Variants in CCSER1 observed in about 807,000 individuals in gnomAD.
The protein encoded by CCSER1 is coiled-coil serine rich protein 1.
CCSER1 carries 41 observed loss-of-function variants against 82.0 expected under a neutral mutation model. The ratio of observed to expected loss-of-function variants is 0.50; its 90% CI spans 0.39 to 0.65. CCSER1 has a LOEUF of 0.65. Among genes scored for constraint, CCSER1 ranks in the 30% least tolerant of loss-of-function variants. CCSER1 has a pLI of 0.00. For synonymous variants in CCSER1, 414 were observed against 383.9 expected (o/e 1.08, Z -0.92); for missense variants, 1,119 against 1,064.2 (o/e 1.05, Z -0.72).
chr4:90,333,417 AAAAC>A (rs1739720503), intron 3 of CCSER1, among the ~76,000 whole-genome samples: 1 of 152,206 alleles, frequency 6.6e-6, no homozygotes, highest in Non-Finnish European at 1.5e-5. Flanking sequence ...AAACAAACAC[AAAAC>A]AAACAAAACG....
chr4:90,827,837 C>T (rs1485749113), intron 8 of CCSER1, among the ~76,000 whole-genome samples: 1 of 152,100 alleles, frequency 6.6e-6, no homozygotes, highest in Non-Finnish European at 1.5e-5. Flanking sequence ...TTATCATGTG[C>T]ACCAGAACAT....
chr4:91,007,079 G>T (rs917961182), intron 9 of CCSER1, among the ~76,000 whole-genome samples: 7 of 152,166 alleles, frequency 4.6e-5, no homozygotes, highest in Admixed American at 4.6e-4. Context: ...AGTCACACTT[G>T]ATTTGCATAT....
At chr4:91,331,108 A>T (rs979188200) in intron 10 of CCSER1, among the ~76,000 whole-genome samples, 13 of 152,004 alleles carry the variant, frequency 8.6e-5, no homozygotes, top group Non-Finnish European at 1.6e-4. Flanking sequence ...GATAAGGGGG[A>T]ACTACTGTAC....
intron 10 of CCSER1, among the ~76,000 whole-genome samples, chr4:91,272,030 G>C (rs1302729634): frequency 6.6e-6 from 1 of 152,178 alleles, no homozygotes; most frequent in Non-Finnish European, 1.5e-5. Flanking sequence ...CAGTTGGGTT[G>C]GTTCCACATT....
chr4:90,479,360 A>T (rs551397505), intron 5 of CCSER1, among the ~76,000 whole-genome samples: 26 of 152,178 alleles, frequency 1.7e-4, no homozygotes, highest in Admixed American at 3.3e-4. Context: ...TAGTGTCATT[A>T]TTCATTTTAC....
In CCSER1 at chr4:91,602,800, C is replaced by T. The variant is rs1314662323; in HGVS notation, c.*3743C>T. 6.6e-6 allele frequency among the ~76,000 whole-genome samples: 1 copy of T among 151,902 alleles called. No homozygotes were observed. On this transcript the variant is annotated 3_prime_UTR_variant, in exon 11 of 11. Transcript: ENST00000509176. Reference sequence around the variant, plus strand: ...CATTCATGTTACTGAATCACATGCCCCATAATCAGAAGCTTTTCCCTTATT... The same window carrying T: ...CATTCATGTTACTGAATCACATGCCTCATAATCAGAAGCTTTTCCCTTATT...
At chr4:90,772,496 T>A (rs888443994) in intron 7 of CCSER1, among the ~76,000 whole-genome samples, 18 of 152,120 alleles carry the variant, frequency 1.2e-4, no homozygotes, top group Non-Finnish European at 2.1e-4. Flanking sequence ...TGGAACAAAA[T>A]GCAAATATTT....
chr4:90,625,911 A>G lies in CCSER1; in HGVS notation c.1725-2114A>G, dbSNP rs189927422. 5.3e-5 allele frequency among the ~76,000 whole-genome samples: 8 copies of G among 152,316 alleles called. No homozygotes were observed. The East Asian group carries it at 1.5e-3, about 29-fold the overall frequency. Reference sequence around the variant, plus strand: ...GTGAATGTTAAATTATAATCTCCAGAGCCTCAGTAAATTCCCTGAAATACA... The same window carrying G: ...GTGAATGTTAAATTATAATCTCCAGGGCCTCAGTAAATTCCCTGAAATACA... On this transcript the variant is annotated intron_variant, in intron 5 of 10. Transcript: ENST00000509176.
At chr4:91,183,103 G>A (rs1734200653) in intron 10 of CCSER1, among the ~76,000 whole-genome samples, 1 of 152,226 alleles carries the variant, frequency 6.6e-6, no homozygotes, top group South Asian at 2.1e-4. Context: ...TGTGAGTGAT[G>A]TAAAATGGGT....
intron 8 of CCSER1, among the ~76,000 whole-genome samples, chr4:90,840,594 A>G (rs1762454675): frequency 6.6e-6 from 1 of 152,252 alleles, no homozygotes; most frequent in African/African-American, 2.4e-5. Context: ...GTATTAAAAA[A>G]TAATTGAAAA....
chr4:91,545,680 T>C (rs1271734326), intron 10 of CCSER1, among the ~76,000 whole-genome samples: 1 of 152,120 alleles, frequency 6.6e-6, no homozygotes, highest in Non-Finnish European at 1.5e-5. Flanking sequence ...CAGAAGGGCT[T>C]CTTTTGTTTA....
chr4:90,145,026 T>C (rs1420619965), intron 1 of CCSER1, among the ~76,000 whole-genome samples: 1 of 152,164 alleles, frequency 6.6e-6, no homozygotes, highest in Non-Finnish European at 1.5e-5. Flanking sequence ...ACCTATAGTT[T>C]AATTTTGATT....
At chr4:90,365,504 C>A (rs1053183062) in intron 3 of CCSER1, among the ~76,000 whole-genome samples, 1 of 151,832 alleles carries the variant, frequency 6.6e-6, no homozygotes. Context: ...AATTTTTAAA[C>A]AATTGTATGT....
Position 90,483,732 on chromosome 4 carries a change from T to C in CCSER1, c.1724+15378T>C, listed in dbSNP as rs570396467. 5.9e-5 allele frequency among the ~76,000 whole-genome samples: 9 copies of C among 152,364 alleles called. No homozygotes were observed. In the East Asian group the frequency reaches 1.5e-3, roughly 26 times the overall value. The stretch of plus-strand genomic sequence containing the variant: ...CTCTTCTGGCTTGTAGAGTTTCTGC[T>C]GAGAGATCAGCTGTTAGTGTGATGG... On this transcript the variant is annotated intron_variant, in intron 5 of 10. Coordinates refer to ENST00000509176, the MANE Select transcript of CCSER1 (RefSeq NM_001145065.2).
rs139127016 is a variant in CCSER1, at chr4:91,527,333, C to CT, written c.2218-71238dup. 2.9e-3 allele frequency among the ~76,000 whole-genome samples: 444 copies of CT among 152,238 alleles called. 5 individuals are homozygous for CT. Among genetic ancestry groups the CT allele is most frequent in the African/African-American group, 9.7e-3 (404 of 41,548 alleles). On this transcript the variant is annotated intron_variant, in intron 10 of 10. Coordinates refer to ENST00000509176, the MANE Select transcript of CCSER1 (RefSeq NM_001145065.2). The stretch of plus-strand genomic sequence containing the variant: ...AATCTGAAGTGTCTTGAATGCTATG[C>CT]TAAAACAATTTTACTTTCACTACTG...
chr4:90,804,331 T>A, intron 7 of CCSER1, among the ~76,000 whole-genome samples: 1 of 152,310 alleles, frequency 6.6e-6, no homozygotes, highest in East Asian at 1.9e-4. Flanking sequence ...TCTTCTAGAA[T>A]TTTTATGGTC....
intron 10 of CCSER1, among the ~76,000 whole-genome samples, chr4:91,216,290 T>C (rs143455431): frequency 1.3e-5 from 2 of 152,328 alleles, no homozygotes; most frequent in African/African-American, 4.8e-5. Flanking sequence ...AGTAACATGA[T>C]GCATTAAGTA....
At position 91,524,034 on chromosome 4, in the gene CCSER1, C is replaced by G. The variant is rs548248778; in HGVS notation, c.2218-74538C>G. 3.3e-5 allele frequency among the ~76,000 whole-genome samples: 5 copies of G among 152,120 alleles called. No individual in the cohort carries two copies. In the South Asian group the frequency reaches 1.0e-3, roughly 32 times the overall value. On this transcript the variant is annotated intron_variant, in intron 10 of 10. Coordinates refer to ENST00000509176, the MANE Select transcript of CCSER1 (RefSeq NM_001145065.2). ...GGAATGCCTATGTTTTACAAACTGC[C>G]TTTTCATTACTCTATTTCATCTTTA...
chr4:90,730,579 T>TA (rs56740463), intron 7 of CCSER1, among the ~76,000 whole-genome samples: 29,944 of 151,970 alleles, frequency 0.2, 5,417 homozygotes, highest in African/African-American at 0.48. Context: ...AATAAATATA[T>TA]AAAATGTCAG....
Sources: allele counts gnomAD v4.1 joint callset (sites outside exome capture counted in the v4.1 genomes callset), GRCh38; gene constraint gnomAD v4.1.1; transcripts MANE v1.5; gene names NCBI Gene and HGNC (gene_info 2026-07-23, HGNC 2026-07-21).